Variants in COPZ1 observed in about 807,000 individuals in gnomAD.
The protein encoded by COPZ1 is coatomer subunit zeta-1.
Under a neutral mutation model 31.7 loss-of-function variants are expected in COPZ1, and 4 were observed. The observed-to-expected ratio is 0.13, with a 90% CI of 0.06 to 0.29. The LOEUF (loss-of-function observed/expected upper bound fraction) is 0.29, where lower values mean the gene tolerates loss of function less well. Ranked by LOEUF, COPZ1 falls within the 10% of genes least tolerant of loss-of-function variation. The pLI is 1.00. For synonymous variants in COPZ1, 74 were observed against 79.0 expected (o/e 0.94, Z 0.33); for missense variants, 156 against 211.5 (o/e 0.74, Z 1.63).
chr12:54,350,229 T>G, intron 8 of COPZ1: 1 of 700,676 alleles, frequency 1.4e-6, no homozygotes, highest in Non-Finnish European at 2.6e-6. Context: ...TCCCTTTTTT[T>G]TTTTCTTTTA....
At chr12:54,340,336 T>A (rs1390836185) in intron 1 of COPZ1, 1 of 686,872 alleles carries the variant, frequency 1.5e-6, no homozygotes, top group Non-Finnish European at 2.2e-6. Context: ...TACTTTGGAA[T>A]CCTTTGTTTA....
At position 54,342,803 on chromosome 12, in the gene COPZ1, C is replaced by CT. The variant is rs1431433811; in HGVS notation, c.170-421dup. ...GGCTTTGGAAGTCATTACAGGCGGCCTCACCTTAGCCCAAAAGAGCTGGAT... is the reference window on the plus strand; with the variant it reads ...GGCTTTGGAAGTCATTACAGGCGGCCTTCACCTTAGCCCAAAAGAGCTGGAT... On this transcript the variant is annotated intron_variant, in intron 3 of 8. Coordinates refer to ENST00000262061, the MANE Select transcript of COPZ1 (RefSeq NM_016057.3). Among the ~76,000 whole-genome samples the CT allele has an allele frequency of 2.0e-5, 3 of 151,988 alleles. No individual in the cohort carries two copies. In the East Asian group the frequency reaches 5.8e-4, roughly 29 times the overall value.
At chr12:54,334,418 C>CAA (rs904686721) in intron 1 of COPZ1, among the ~76,000 whole-genome samples, 1 of 145,838 alleles carries the variant, frequency 6.9e-6, no homozygotes, top group Non-Finnish European at 1.5e-5. Context: ...AACACTGTCT[C>CAA]AAAAAAAAAA....
intron 1 of COPZ1, among the ~76,000 whole-genome samples, chr12:54,331,369 C>T (rs911558374): frequency 1.5e-4 from 23 of 151,906 alleles, no homozygotes; most frequent in Admixed American, 1.3e-4. Flanking sequence ...TTAGTAGAGA[C>T]GGGGTTTCGC....
At chr12:54,328,089 A>G (rs1337891456) in intron 1 of COPZ1, among the ~76,000 whole-genome samples, 1 of 151,556 alleles carries the variant, frequency 6.6e-6, no homozygotes, top group East Asian at 2.0e-4. Flanking sequence ...CCTGGCCAAC[A>G]TGGTGAAACC....
At chr12:54,325,394 T>G in intron 1 of COPZ1, 7 of 632,078 alleles carry the variant, frequency 1.1e-5, no homozygotes, top group Non-Finnish European at 1.3e-5. Context: ...ATAGAGTCGG[T>G]GGAAAGTTGA....
intron 1 of COPZ1, among the ~76,000 whole-genome samples, chr12:54,332,167 C>A (rs1272183408): frequency 6.6e-6 from 1 of 151,474 alleles, no homozygotes; most frequent in Admixed American, 6.6e-5. Context: ...ACCAAAAATA[C>A]AAAAATTAGC....
chr12:54,348,313 AT>A (rs1441702048), intron 7 of COPZ1, among the ~76,000 whole-genome samples: 3 of 152,254 alleles, frequency 2.0e-5, no homozygotes. Context: ...ATACATACTT[AT>A]TTAATAAATG....
At chr12:54,347,330 G>A (rs1954081256) in intron 5 of COPZ1, among the ~76,000 whole-genome samples, 1 of 152,182 alleles carries the variant, frequency 6.6e-6, no homozygotes, top group East Asian at 1.9e-4. Context: ...AGGGAACAGA[G>A]AATGTCTCAG....
intron 5 of COPZ1, among the ~76,000 whole-genome samples, 175 bp from the exon 6 acceptor site, chr12:54,347,592 C>A (rs573198373): frequency 6.6e-6 from 1 of 152,266 alleles, no homozygotes; most frequent in East Asian, 1.9e-4. Flanking sequence ...ATTCAGCAAA[C>A]GAGTAGAAAG....
chr12:54,342,411 C>G (rs775347653), intron 3 of COPZ1, 124 bp downstream of exon 3: 1 of 717,280 alleles, frequency 1.4e-6, no homozygotes, highest in South Asian at 1.7e-5. Flanking sequence ...CCTTCTTCCC[C>G]TTGTATAATA....
At chr12:54,342,120 C>T in intron 2 of COPZ1, 86 bp from the exon 3 acceptor site, 2 of 956,012 alleles carry the variant, frequency 2.1e-6, no homozygotes, top group South Asian at 1.3e-5. Flanking sequence ...GGAGAGAAAT[C>T]CAAGATCCCA....
intron 7 of COPZ1, 97 bp downstream of exon 7, chr12:54,348,148 G>A: frequency 9.8e-7 from 1 of 1,022,322 alleles, no homozygotes; most frequent in Non-Finnish European, 1.5e-6. Context: ...GGGCTCATAG[G>A]ATACATACAA....
intron 1 of COPZ1, among the ~76,000 whole-genome samples, chr12:54,339,975 C>CTG (rs1491341754): frequency 5.3e-4 from 66 of 123,504 alleles, no homozygotes; most frequent in Admixed American, 5.0e-3. Context: ...ACTGGTGTGC[C>CTG]TGTGCGTGTG....
intron 1 of COPZ1, among the ~76,000 whole-genome samples, chr12:54,336,620 C>T (rs1385222283): frequency 6.6e-6 from 1 of 152,018 alleles, no homozygotes; most frequent in Admixed American, 6.5e-5. Flanking sequence ...TGCAGGTCAC[C>T]GAGAAGGCCC....
intron 3 of COPZ1, 93 bp downstream of exon 3, chr12:54,342,380 T>C: frequency 1.1e-6 from 1 of 910,748 alleles, no homozygotes; most frequent in Non-Finnish European, 1.8e-6. Context: ...ATGAAATGAC[T>C]CTGCCTTTTT....
intron 1 of COPZ1, among the ~76,000 whole-genome samples, chr12:54,330,370 AC>A (rs1405235042): frequency 6.6e-6 from 1 of 152,160 alleles, no homozygotes; most frequent in Non-Finnish European, 1.5e-5. Flanking sequence ...CTCGGCTTGA[AC>A]TAAAACCCCC....
At chr12:54,347,703 C>T in intron 5 of COPZ1, 64 bp from the exon 6 acceptor site, 1 of 1,462,700 alleles carries the variant, frequency 6.8e-7, no homozygotes, top group Non-Finnish European at 9.4e-7. Context: ...TCAATTGAGA[C>T]AAGGTCCTAG....
intron 1 of COPZ1, chr12:54,325,685 T>G: frequency 6.4e-6 from 1 of 155,726 alleles, no homozygotes; most frequent in South Asian, 1.8e-4. Context: ...TTATATAGGT[T>G]TGTCAAATAA....
Sources: gnomAD v4.1 joint callset for allele counts (sites outside exome capture counted in the v4.1 genomes callset) on GRCh38, gnomAD v4.1.1 for gene constraint, MANE v1.5 for transcripts, NCBI Gene and HGNC (gene_info 2026-07-23, HGNC 2026-07-21) for gene names.